The following TBC1D5 variants were observed in gnomAD, a reference collection of about 807,000 sequenced individuals.
TBC1D5 encodes TBC1 domain family member 5.
TBC1D5 carries 75 observed loss-of-function variants against 100.3 expected under a neutral mutation model. The observed-to-expected ratio is 0.75, with a 90% confidence interval of 0.62 to 0.91. The LOEUF is 0.91. TBC1D5 is among the 40% of genes least tolerant of loss of function. The pLI is 0.00. For synonymous variants in TBC1D5, 323 were observed against 325.6 expected (o/e 0.99, Z 0.09); for missense variants, 910 against 942.4 (o/e 0.97, Z 0.45).
chr3:17,394,516 T>C (rs372621108), intron 8 of TBC1D5, among the ~76,000 whole-genome samples: 1 of 152,018 alleles, frequency 6.6e-6, no homozygotes, highest in Non-Finnish European at 1.5e-5. Context: ...ATGCTTACAA[T>C]GGGTGCCAAG....
At chr3:17,395,300 A>C (rs1305892229) in intron 8 of TBC1D5, among the ~76,000 whole-genome samples, 5 of 152,122 alleles carry the variant, frequency 3.3e-5, no homozygotes, top group African/African-American at 9.7e-5. Context: ...ATGGTAAAAA[A>C]TTAGGAAAAA....
At chr3:17,602,340 T>C (rs143038265) in intron 2 of TBC1D5, among the ~76,000 whole-genome samples, 168 of 152,212 alleles carry the variant, frequency 1.1e-3, no homozygotes, top group African/African-American at 3.5e-3. Flanking sequence ...AAATGTGTGA[T>C]TCATGGAGCT....
At chr3:17,661,788 G>A (rs1366929537) in intron 1 of TBC1D5, among the ~76,000 whole-genome samples, 1 of 152,060 alleles carries the variant, frequency 6.6e-6, no homozygotes, top group Admixed American at 6.5e-5. Flanking sequence ...ATGAGCCATC[G>A]CACCTGGCCA....
At chr3:17,242,400 A>G (rs939362365) in intron 16 of TBC1D5, among the ~76,000 whole-genome samples, 1 of 152,046 alleles carries the variant, frequency 6.6e-6, no homozygotes, top group South Asian at 2.1e-4. Flanking sequence ...ATCTTGTTAG[A>G]TGCTTAGCTA....
chr3:17,736,215 T>C (rs1233637185), intron 1 of TBC1D5, among the ~76,000 whole-genome samples: 3 of 152,126 alleles, frequency 2.0e-5, no homozygotes, highest in African/African-American at 7.2e-5. Context: ...CTCATAATCA[T>C]ACCACTGCAC....
intron 1 of TBC1D5, among the ~76,000 whole-genome samples, chr3:17,637,336 C>G (rs1350504346): frequency 6.6e-6 from 1 of 150,914 alleles, no homozygotes; most frequent in Non-Finnish European, 1.5e-5. Flanking sequence ...GCCACCACAC[C>G]TGGCCCCAAG....
chr3:17,489,250 C>G (rs1229564218), intron 3 of TBC1D5, among the ~76,000 whole-genome samples: 4 of 151,508 alleles, frequency 2.6e-5, no homozygotes, highest in African/African-American at 4.8e-5. Context: ...TTTTAAAATA[C>G]CTAATTTTCT....
intron 1 of TBC1D5, among the ~76,000 whole-genome samples, chr3:17,716,484 T>A (rs900782585): frequency 2.0e-5 from 3 of 152,144 alleles, no homozygotes; most frequent in Non-Finnish European, 2.9e-5. Context: ...CAGCGACTTA[T>A]CATTCAAATC....
At chr3:17,440,454 A>C (rs544271644) in intron 3 of TBC1D5, among the ~76,000 whole-genome samples, 4 of 152,142 alleles carry the variant, frequency 2.6e-5, no homozygotes, top group African/African-American at 9.6e-5. Flanking sequence ...GGCAAAACTC[A>C]TATTTACAAA....
chr3:17,179,620 C>T (rs760334077), intron 19 of TBC1D5, among the ~76,000 whole-genome samples: 3 of 152,332 alleles, frequency 2.0e-5, no homozygotes, highest in Admixed American at 6.5e-5. Flanking sequence ...AAGCGTCACT[C>T]ACCCTTCCTG....
At chr3:17,231,784 A>G (rs2075445268) in intron 17 of TBC1D5, among the ~76,000 whole-genome samples, 1 of 152,170 alleles carries the variant, frequency 6.6e-6, no homozygotes, top group Non-Finnish European at 1.5e-5. Flanking sequence ...ATCATTGTCA[A>G]AATCATCACC....
chr3:17,625,794 T>G (rs1428619548), intron 1 of TBC1D5, among the ~76,000 whole-genome samples: 5 of 152,104 alleles, frequency 3.3e-5, no homozygotes, highest in Non-Finnish European at 7.4e-5. Context: ...AATGTATCTA[T>G]GCATAACATA....
intron 19 of TBC1D5, among the ~76,000 whole-genome samples, chr3:17,183,682 C>T (rs755181355): frequency 1.3e-5 from 2 of 152,178 alleles, no homozygotes; most frequent in Non-Finnish European, 2.9e-5. Flanking sequence ...GCTAATAAGA[C>T]ACTGTCAGGC....
chr3:17,460,364 A>T (rs73161491), intron 3 of TBC1D5, among the ~76,000 whole-genome samples: 13,859 of 152,206 alleles, frequency 0.091, 1,422 homozygotes, highest in African/African-American at 0.26. Flanking sequence ...ATCTTTGGGG[A>T]TGAATGATGA....
At chr3:17,273,668 G>A (rs1169486661) in intron 15 of TBC1D5, among the ~76,000 whole-genome samples, 2 of 152,046 alleles carry the variant, frequency 1.3e-5, no homozygotes, top group Non-Finnish European at 2.9e-5. Flanking sequence ...TTAGCCAGGT[G>A]TAATGGCAGG....
rs185859320 is a variant in TBC1D5, at chr3:17,718,020, C to T, written c.-101+21323G>A. The stretch of plus-strand genomic sequence containing the variant: ...AGAGTGGTTTTTCCTTCCTCTTCTC[C>T]GTACTGAAGTACGAAGTCAATAAGA... On this transcript the variant is annotated intron_variant, in intron 1 of 21. Coordinates refer to ENST00000253692, the Ensembl canonical transcript of TBC1D5. Among the ~76,000 whole-genome samples the T allele has an allele frequency of 2.2e-3, 330 of 152,232 alleles. 2 individuals carry two copies. The highest frequency in any genetic ancestry group is 3.3e-3 in the Admixed American group (50 of 15,290).
rs193064279 is a variant in TBC1D5 at position 17,260,640 on chromosome 3, C to T, written c.1246-2049G>A. On this transcript the variant is annotated intron_variant, in intron 15 of 21. Coordinates refer to ENST00000253692, the Ensembl canonical transcript of TBC1D5. ...TCAGAGGTTATGGTTGAAAGTTATT[C>T]TTTTCTGTTGGGAAGACAGTGATGT... is the stretch of plus-strand genomic sequence containing the variant. Among the ~76,000 whole-genome samples, 83 of 152,264 alleles carry T rather than the reference C, an allele frequency of 5.5e-4. 2 individuals carry two copies. The East Asian group carries it at 0.015, about 27-fold the overall frequency.
At chr3:17,358,566 A>T (rs1192615309) in intron 13 of TBC1D5, among the ~76,000 whole-genome samples, 10 of 152,070 alleles carry the variant, frequency 6.6e-5, no homozygotes, top group Admixed American at 3.3e-4. Flanking sequence ...CTTTAATAAA[A>T]CCTGAATCTA....
At chr3:17,699,769 A>T (rs2072851007) in intron 1 of TBC1D5, among the ~76,000 whole-genome samples, 1 of 151,564 alleles carries the variant, frequency 6.6e-6, no homozygotes, top group South Asian at 2.1e-4. Flanking sequence ...CTGATTTAAA[A>T]TTACCACAGA....
Sources: gnomAD v4.1 joint callset for allele counts (sites outside exome capture counted in the v4.1 genomes callset) on GRCh38, gnomAD v4.1.1 for gene constraint, MANE v1.5 for transcripts, NCBI Gene and HGNC (gene_info 2026-07-23, HGNC 2026-07-21) for gene names.